Variants in ARID1B observed in about 807,000 individuals in gnomAD.
ARID1B encodes the protein AT-rich interactive domain-containing protein 1B.
A neutral mutation model predicts 212.3 loss-of-function variants in ARID1B; 30 were observed. The ratio of observed to expected loss-of-function variants is 0.14; its 90% CI spans 0.11 to 0.19. The LOEUF is 0.19. ARID1B is among the 10% of genes least tolerant of loss of function. The pLI is 1.00. For missense variants in ARID1B, 2,891 were observed against 3,204.0 expected, an observed-to-expected ratio of 0.90 and a Z score of 2.36; for synonymous variants, 1,402 against 1,301.7, an observed-to-expected ratio of 1.08 and a Z score of -1.66.
At chr6:157,077,155 G>A (rs2128445203) in intron 4 of ARID1B, among the ~76,000 whole-genome samples, 1 of 152,192 alleles carries the variant, frequency 6.6e-6, no homozygotes, top group African/African-American at 2.4e-5. Context: ...GAGTTACTCA[G>A]GCAATTTTGT....
chr6:157,081,659 C>G (rs1451840225), intron 4 of ARID1B, among the ~76,000 whole-genome samples: 1 of 152,124 alleles, frequency 6.6e-6, no homozygotes, highest in Admixed American at 6.5e-5. Context: ...GTTTTTGATG[C>G]CTTTGCAACC....
intron 4 of ARID1B, chr6:157,036,630 T>C (rs908923098): frequency 7.3e-5 from 25 of 341,358 alleles, no homozygotes; most frequent in Non-Finnish European, 1.4e-4. Flanking sequence ...CGCCGTCTTA[T>C]AGAACTGAAA....
chr6:157,041,775 T>C (rs749966464), intron 4 of ARID1B, among the ~76,000 whole-genome samples: 3 of 152,132 alleles, frequency 2.0e-5, no homozygotes, highest in Non-Finnish European at 4.4e-5. Flanking sequence ...TCCTGATCAC[T>C]GATGGAACTG....
At chr6:157,089,478 T>C (rs2128472015) in intron 5 of ARID1B, among the ~76,000 whole-genome samples, 2 of 152,290 alleles carry the variant, frequency 1.3e-5, no homozygotes, top group Middle Eastern at 3.4e-3. Flanking sequence ...CTGCATTCTT[T>C]GGAGAAGCAG....
chr6:157,007,869 G>T (rs1224595293), intron 4 of ARID1B, among the ~76,000 whole-genome samples: 1 of 151,930 alleles, frequency 6.6e-6, no homozygotes, highest in East Asian at 1.9e-4. Flanking sequence ...GTAGAGACGG[G>T]GTTTCACCGT....
intron 16 of ARID1B, among the ~76,000 whole-genome samples, chr6:157,196,705 C>G (rs1382930292): frequency 6.6e-6 from 1 of 152,184 alleles, no homozygotes; most frequent in African/African-American, 2.4e-5. Flanking sequence ...CCCTCCCTCC[C>G]TTCTTTCTGT....
intron 3 of ARID1B, among the ~76,000 whole-genome samples, chr6:156,902,345 CTT>C (rs1789014205): frequency 6.6e-6 from 1 of 152,106 alleles, no homozygotes; most frequent in Non-Finnish European, 1.5e-5. Context: ...CCTTCCTTCT[CTT>C]TTGTGTGGTG....
chr6:156,812,976 G>GTGTGTGTGTGTGTGTGTA (rs554173642), intron 1 of ARID1B, among the ~76,000 whole-genome samples: 2 of 104,350 alleles, frequency 1.9e-5, no homozygotes, highest in African/African-American at 6.5e-5. Flanking sequence ...GTGTGTGTGT[G>GTGTGTGTGTGTGTGTGTA]TATGTATATA....
chr6:156,810,133 A>G (rs965156180), intron 1 of ARID1B, among the ~76,000 whole-genome samples: 1 of 152,224 alleles, frequency 6.6e-6, no homozygotes, highest in African/African-American at 2.4e-5. Context: ...ATACACATGT[A>G]CTATTAAATA....
At chr6:156,899,425 C>T (rs1429289713) in intron 2 of ARID1B, among the ~76,000 whole-genome samples, 1 of 152,164 alleles carries the variant, frequency 6.6e-6, no homozygotes, top group Non-Finnish European at 1.5e-5. Flanking sequence ...TCAGCCCAGG[C>T]TTACAGAAGG....
At chr6:157,058,736 A>C (rs1011492290) in intron 4 of ARID1B, among the ~76,000 whole-genome samples, 1 of 152,218 alleles carries the variant, frequency 6.6e-6, no homozygotes, top group Non-Finnish European at 1.5e-5. Context: ...TGCTGAGGAC[A>C]CTAGCGGTGG....
At chr6:157,198,681 T>A in intron 16 of ARID1B, 130 bp from the exon 17 acceptor site, 1 of 683,946 alleles carries the variant, frequency 1.5e-6, no homozygotes, top group Non-Finnish European at 2.4e-6. Context: ...AGGGCCTTTG[T>A]CGGAGGGGTG....
intron 4 of ARID1B, chr6:156,937,620 T>C (rs1217308266): frequency 6.6e-6 from 1 of 152,244 alleles, no homozygotes; most frequent in African/African-American, 2.4e-5. Context: ...AGGGATGGCA[T>C]GAAGTATTGT....
chr6:156,941,100 A>C (rs1041234095), intron 4 of ARID1B: 1 of 152,226 alleles, frequency 6.6e-6, no homozygotes, highest in African/African-American at 2.4e-5. Context: ...GAAAACCCAT[A>C]TCTGTCATCA....
At chr6:156,783,413 T>C (rs936481460) in intron 1 of ARID1B, among the ~76,000 whole-genome samples, 1 of 152,130 alleles carries the variant, frequency 6.6e-6, no homozygotes, top group Non-Finnish European at 1.5e-5. Context: ...TAATATAAGC[T>C]CATTTGATCG....
At chr6:157,164,968 T>G (rs1387715614) in intron 8 of ARID1B, among the ~76,000 whole-genome samples, 1 of 152,214 alleles carries the variant, frequency 6.6e-6, no homozygotes, top group African/African-American at 2.4e-5. Context: ...GATTGTCTGC[T>G]AAGACACTGA....
At chr6:156,779,643 C>A in intron 1 of ARID1B, 172 bp downstream of exon 1, 1 of 547,744 alleles carries the variant, frequency 1.8e-6, no homozygotes. Flanking sequence ...CGGGGCGCCC[C>A]GGGGGCCGGC....
At chr6:157,003,233 G>A (rs1440843315) in intron 4 of ARID1B, among the ~76,000 whole-genome samples, 1 of 152,190 alleles carries the variant, frequency 6.6e-6, no homozygotes, top group African/African-American at 2.4e-5. Context: ...ACTGCCATGT[G>A]GAGAATGGAT....
At position 156,856,700 on chromosome 6, in the gene ARID1B, T is replaced by TCACA. The variant is rs141705209; in HGVS notation, c.1986+27318_1986+27321dup. Among the ~76,000 whole-genome samples, 519 of 114,714 alleles carry TCACA rather than the reference T, an allele frequency of 4.5e-3. 3 individuals are homozygous for TCACA. Among genetic ancestry groups the TCACA allele is most frequent in the Admixed American group, 6.0e-3 (66 of 11,052 alleles). The allele number at this position is 114,714 out of a possible 152,430, so 75.3% of individuals were successfully genotyped here. Reference sequence around the variant, plus strand: ...CTCTCTCTCTCTCTCTCTCTCTCTCTCACACACACACACACACACACACAC... The same window carrying TCACA: ...CTCTCTCTCTCTCTCTCTCTCTCTCTCACACACACACACACACACACACACACAC... On this transcript the variant is annotated intron_variant, in intron 2 of 19. Coordinates refer to ENST00000636930, the MANE Select transcript of ARID1B (RefSeq NM_001374828.1).
Sources: allele counts gnomAD v4.1 joint callset (sites outside exome capture counted in the v4.1 genomes callset), GRCh38; gene constraint gnomAD v4.1.1; transcripts MANE v1.5; gene names NCBI Gene and HGNC (gene_info 2026-07-23, HGNC 2026-07-21).